The following KATNIP variants were observed in gnomAD, a reference collection of about 807,000 sequenced individuals.
KATNIP encodes the protein katanin interacting protein.
KATNIP carries 126 observed loss-of-function variants against 174.0 expected under a neutral mutation model. The observed-to-expected ratio is 0.72, with a 90% CI of 0.63 to 0.84. The LOEUF is 0.84. KATNIP is among the 40% of genes least tolerant of loss of function. The probability of loss-of-function intolerance (pLI) is 0.00; values close to 1 mark genes in which losing one functional copy is unlikely to be tolerated. For missense variants in KATNIP, 1,958 were observed against 2,109.7 expected (o/e 0.93, Z 1.41); for synonymous variants, 810 against 835.7 (o/e 0.97, Z 0.53).
chr16:27,560,237 G>A (rs1012527050), intron 1 of KATNIP, among the ~76,000 whole-genome samples: 5 of 147,798 alleles, frequency 3.4e-5, no homozygotes, highest in South Asian at 2.1e-4. Context: ...AGCTGAGATC[G>A]CGCCACTGCA....
intron 8 of KATNIP, among the ~76,000 whole-genome samples, chr16:27,695,940 A>G (rs900300064): frequency 1.3e-5 from 2 of 152,218 alleles, no homozygotes; most frequent in Non-Finnish European, 2.9e-5. Flanking sequence ...CCAGATTTTT[A>G]GGAAGCAAAT....
chr16:27,586,783 C>A (rs762100737), intron 2 of KATNIP, among the ~76,000 whole-genome samples: 1 of 150,488 alleles, frequency 6.6e-6, no homozygotes, highest in Non-Finnish European at 1.5e-5. Context: ...AAGCCAAGAT[C>A]GCGCCACTGC....
chr16:27,772,795 G>A (rs2082352964), intron 22 of KATNIP, among the ~76,000 whole-genome samples: 1 of 151,886 alleles, frequency 6.6e-6, no homozygotes, highest in Non-Finnish European at 1.5e-5. Flanking sequence ...CTGTCTCCTG[G>A]GGCCTAGAGG....
In KATNIP at chr16:27,740,374, T is replaced by TCCC; in HGVS notation, c.2078_2080dup (p.Ser693_Gln694insPro). The TCCC allele has an allele frequency of 6.2e-7, 1 of 1,614,210 alleles. No individual in the cohort carries two copies. The highest frequency in any genetic ancestry group is 8.5e-7 in the Non-Finnish European group (1 of 1,180,046). ...TACTAATTGCAGGAAAGACAGTTTG[T>TCCC]CCCAGTTAGAGGAATATTTGAGACT... On this transcript the variant is annotated inframe_insertion, in exon 15 of 28. Coordinates refer to ENST00000261588, the MANE Select transcript of KATNIP (RefSeq NM_015202.5).
chr16:27,667,352 G>A (rs1324775348), intron 6 of KATNIP, among the ~76,000 whole-genome samples: 1 of 152,022 alleles, frequency 6.6e-6, no homozygotes, highest in Non-Finnish European at 1.5e-5. Flanking sequence ...ATGGATGAAT[G>A]AGAAAAAAGA....
chr16:27,570,418 T>C (rs886341715), intron 1 of KATNIP, among the ~76,000 whole-genome samples: 5 of 151,986 alleles, frequency 3.3e-5, no homozygotes, highest in African/African-American at 4.8e-5. Context: ...AATACAAAAA[T>C]TAGCCAGGCA....
At chr16:27,566,751 G>A (rs778350870) in intron 1 of KATNIP, among the ~76,000 whole-genome samples, 7 of 152,104 alleles carry the variant, frequency 4.6e-5, no homozygotes, top group Admixed American at 1.3e-4. Context: ...TGACCCATGC[G>A]GCTTTGTCAT....
chr16:27,566,442 A>G (rs1396235779), intron 1 of KATNIP, among the ~76,000 whole-genome samples: 1 of 152,056 alleles, frequency 6.6e-6, no homozygotes, highest in Non-Finnish European at 1.5e-5. Flanking sequence ...AGACTGAGGC[A>G]GGAGAATCAC....
At chr16:27,747,591 A>G (rs1404361673) in intron 15 of KATNIP, among the ~76,000 whole-genome samples, 1 of 152,174 alleles carries the variant, frequency 6.6e-6, no homozygotes, top group Non-Finnish European at 1.5e-5. Context: ...CCTTGAGGCC[A>G]GCTTGGAAGG....
At chr16:27,651,777 T>C (rs1000620210) in intron 6 of KATNIP, among the ~76,000 whole-genome samples, 23 of 152,344 alleles carry the variant, frequency 1.5e-4, no homozygotes, top group Admixed American at 1.5e-3. Flanking sequence ...CAGAGTGCAG[T>C]GGTGCGATCT....
rs1196001432 is a variant in KATNIP at position 27,780,131 on chromosome 16, T to A, written c.*1502T>A. ...CTCTTGTGACCCAAACCAGTGCCGC[T>A]GCATTAAAGGGAGGCCCAGCTACTC... On this transcript the variant is annotated 3_prime_UTR_variant, in exon 28 of 28. Transcript: ENST00000261588. 6.6e-6 allele frequency: 1 copy of A among 152,118 alleles called. No individual in the cohort carries two copies. Among genetic ancestry groups the A allele is most frequent in the Non-Finnish European group, 1.5e-5 (1 of 68,044 alleles). The allele number at this position is 152,118 out of a possible 1,614,324, so 9.4% of individuals were successfully genotyped here. A position where few individuals can be genotyped will look rare whatever the true frequency, so the allele number is the denominator to read the frequency against.
chr16:27,779,510 A>G lies in KATNIP; in HGVS notation c.*881A>G, dbSNP rs1474530358. On this transcript the variant is annotated 3_prime_UTR_variant, in exon 28 of 28. Coordinates refer to ENST00000261588, the MANE Select transcript of KATNIP (RefSeq NM_015202.5). The stretch of plus-strand genomic sequence containing the variant: ...TGAGGACAATCCCCCATCTCCCCTC[A>G]CCCTTGAGCAGGCCCTCCCTGCACT... 1 of 151,970 alleles carries G rather than the reference A, an allele frequency of 6.6e-6. No homozygotes were observed. Among genetic ancestry groups the G allele is most frequent in the Non-Finnish European group, 1.5e-5 (1 of 68,100 alleles). The allele number at this position is 151,970 out of a possible 1,614,324, so 9.4% of individuals were successfully genotyped here. A position where few individuals can be genotyped will look rare whatever the true frequency, so the allele number is the denominator to read the frequency against.
chr16:27,649,014 G>A (rs2077045998), intron 6 of KATNIP, among the ~76,000 whole-genome samples: 1 of 152,214 alleles, frequency 6.6e-6, no homozygotes, highest in African/African-American at 2.4e-5. Flanking sequence ...AATGCAGAGA[G>A]GTTGGGGCAG....
rs2079440563 is a variant in KATNIP, at chr16:27,708,891, C to G, written c.1576C>G (p.Leu526Val). 3.1e-6 allele frequency: 5 copies of G among 1,613,402 alleles called. No individual in the cohort carries two copies. Among genetic ancestry groups the G allele is most frequent in the Non-Finnish European group, 3.4e-6 (4 of 1,179,854 alleles). Residue 526 changes from leucine to valine, a missense_variant, in exon 13 of 28, where the codon CTG (leucine) becomes GTG (valine). Transcript: ENST00000261588. ...CCGGAACACAGCCACGCCTGGGGAG[C>G]TGGGCCGCCTCGTCAACAGGAACTT... ...DIRNTATPGE[L>V]GRLVNRNLAG...
chr16:27,672,436 T>G (rs185076658), intron 6 of KATNIP, among the ~76,000 whole-genome samples: 87 of 152,332 alleles, frequency 5.7e-4, no homozygotes, highest in African/African-American at 2.0e-3. Flanking sequence ...CTGTTTATAT[T>G]TCTTTATGCA....
At chr16:27,633,254 G>C (rs1232603813) in intron 5 of KATNIP, among the ~76,000 whole-genome samples, 1 of 152,062 alleles carries the variant, frequency 6.6e-6, no homozygotes, top group East Asian at 1.9e-4. Context: ...TCTCAGCCCT[G>C]ACTGTACATT....
chr16:27,625,953 C>T (rs930570986), intron 3 of KATNIP, among the ~76,000 whole-genome samples: 1 of 151,886 alleles, frequency 6.6e-6, no homozygotes, highest in Admixed American at 6.6e-5. Context: ...CAGTTCAAGC[C>T]ATCCTCCTGC....
chr16:27,562,279 C>T (rs1037473089), intron 1 of KATNIP, among the ~76,000 whole-genome samples: 1 of 152,124 alleles, frequency 6.6e-6, no homozygotes, highest in Non-Finnish European at 1.5e-5. Context: ...CACTTTGACT[C>T]CAGCCTGGCC....
intron 11 of KATNIP, among the ~76,000 whole-genome samples, chr16:27,701,983 G>C (rs1410984666): frequency 6.6e-6 from 1 of 151,982 alleles, no homozygotes; most frequent in Non-Finnish European, 1.5e-5. Flanking sequence ...TTGTAGAGGG[G>C]GTCTCACAAC....
Sources: gnomAD v4.1 joint callset for allele counts (sites outside exome capture counted in the v4.1 genomes callset) on GRCh38, gnomAD v4.1.1 for gene constraint, MANE v1.5 for transcripts, NCBI Gene and HGNC (gene_info 2026-07-23, HGNC 2026-07-21) for gene names.